DYM: variants seen among roughly 807,000 people sequenced by gnomAD.
The protein encoded by DYM is dymeclin, also known as dyggve-Melchior-Clausen syndrome protein.
Under a neutral mutation model 93.1 loss-of-function variants are expected in DYM, and 78 were observed. That is an observed-to-expected ratio of 0.84 (90% CI 0.70 to 1.01). The LOEUF is 1.01. Among genes scored for constraint, DYM ranks in the 50% least tolerant of loss-of-function variants. The pLI is 0.00. For missense variants in DYM, 789 were observed against 845.0 expected (o/e 0.93, Z 0.82); for synonymous variants, 321 against 319.7 (o/e 1.00, Z -0.04).
At chr18:49,220,872 A>T (rs925085881) in intron 13 of DYM, among the ~76,000 whole-genome samples, 5 of 152,332 alleles carry the variant, frequency 3.3e-5, no homozygotes, top group Non-Finnish European at 5.9e-5. Context: ...AAAACACCAA[A>T]AGCAATGGCA....
chr18:49,453,580 G>T (rs1175145217), intron 1 of DYM, among the ~76,000 whole-genome samples: 1 of 152,178 alleles, frequency 6.6e-6, no homozygotes, highest in East Asian at 1.9e-4. Context: ...AACACTCACC[G>T]TGAGGGTCCG....
At chr18:49,399,020 T>A (rs752379799) in intron 2 of DYM, among the ~76,000 whole-genome samples, 2 of 152,252 alleles carry the variant, frequency 1.3e-5, no homozygotes, top group Non-Finnish European at 2.9e-5. Context: ...TATACACATA[T>A]GGCTGTAATC....
chr18:49,176,062 T>C (rs972590409), intron 14 of DYM, among the ~76,000 whole-genome samples: 1 of 152,120 alleles, frequency 6.6e-6, no homozygotes, highest in African/African-American at 2.4e-5. Flanking sequence ...TCATACAACA[T>C]GGCAAAGTAT....
chr18:49,307,438 C>T (rs2061336887), intron 8 of DYM, among the ~76,000 whole-genome samples: 1 of 152,094 alleles, frequency 6.6e-6, no homozygotes, highest in South Asian at 2.1e-4. Context: ...AAGAATTCTA[C>T]CTGCAAATTT....
At chr18:49,407,813 AT>A (rs1382264007) in intron 2 of DYM, among the ~76,000 whole-genome samples, 2 of 152,214 alleles carry the variant, frequency 1.3e-5, no homozygotes, top group Non-Finnish European at 2.9e-5. Flanking sequence ...TCAGTTTCCT[AT>A]TTTTGATACT....
Position 49,429,934 on chromosome 18 carries a change from G to A in DYM, c.140+321C>T, listed in dbSNP as rs527609072. ...AAAAAGGCAAGGGACAGAACAGTAC[G>A]TGTAGTATGCTACCATTTGTATTTA... is the stretch of plus-strand genomic sequence containing the variant. On this transcript the variant is annotated intron_variant, in intron 2 of 17. Transcript: ENST00000675505. Among the ~76,000 whole-genome samples, 5 of 152,282 alleles carry A rather than the reference G, an allele frequency of 3.3e-5. No homozygotes were observed. The East Asian group carries it at 9.6e-4, about 29-fold the overall frequency.
chr18:49,046,703 C>A (rs1317323212), intron 17 of DYM, among the ~76,000 whole-genome samples: 1 of 152,130 alleles, frequency 6.6e-6, no homozygotes, highest in African/African-American at 2.4e-5. Context: ...AGTTAAAGAC[C>A]AGCCTGAGCA....
chr18:49,210,985 A>G (rs1044813376), intron 13 of DYM, among the ~76,000 whole-genome samples: 4 of 152,208 alleles, frequency 2.6e-5, no homozygotes, highest in African/African-American at 9.6e-5. Flanking sequence ...GGTATTAGGA[A>G]TATGTTCCTG....
chr18:49,054,741 C>T (rs1220660900), intron 17 of DYM, among the ~76,000 whole-genome samples: 2 of 152,066 alleles, frequency 1.3e-5, no homozygotes, highest in Non-Finnish European at 2.9e-5. Context: ...AAGTTACCAC[C>T]CAAGAGGGGC....
chr18:49,196,715 G>A (rs1266655825), intron 14 of DYM, among the ~76,000 whole-genome samples: 1 of 152,162 alleles, frequency 6.6e-6, no homozygotes, highest in Non-Finnish European at 1.5e-5. Context: ...AAGCACAATT[G>A]ATATGGCTAG....
At chr18:49,068,980 T>G (rs916655675) in intron 17 of DYM, among the ~76,000 whole-genome samples, 2 of 152,186 alleles carry the variant, frequency 1.3e-5, no homozygotes, top group African/African-American at 4.8e-5. Context: ...TTGCTTATTG[T>G]GAGAATAGAA....
chr18:49,441,426 G>A (rs554446103), intron 1 of DYM, among the ~76,000 whole-genome samples: 8 of 132,008 alleles, frequency 6.1e-5, no homozygotes, highest in African/African-American at 2.3e-4. Flanking sequence ...AGACTTTAAG[G>A]AGAAAGCTGA....
At chr18:49,136,049 T>G (rs1426100761) in intron 15 of DYM, among the ~76,000 whole-genome samples, 1 of 152,226 alleles carries the variant, frequency 6.6e-6, no homozygotes, top group African/African-American at 2.4e-5. Flanking sequence ...TCAACAGCAG[T>G]GAAGCTAACT....
At chr18:49,320,717 C>A (rs1183358515) in intron 8 of DYM, among the ~76,000 whole-genome samples, 1 of 152,146 alleles carries the variant, frequency 6.6e-6, no homozygotes, top group Non-Finnish European at 1.5e-5. Flanking sequence ...AGGTGATCCG[C>A]CTGCCTGGGC....
At chr18:49,202,968 C>T (rs1288353720) in intron 14 of DYM, among the ~76,000 whole-genome samples, 1 of 116,524 alleles carries the variant, frequency 8.6e-6, no homozygotes, top group African/African-American at 3.2e-5. Flanking sequence ...GTCAGCCCCC[C>T]CGCCCGGCCA....
At chr18:49,367,308 C>A (rs2066613233) in intron 5 of DYM, among the ~76,000 whole-genome samples, 1 of 152,198 alleles carries the variant, frequency 6.6e-6, no homozygotes, top group African/African-American at 2.4e-5. Flanking sequence ...ACTCTAAAGC[C>A]CCACTGCTCT....
intron 1 of DYM, among the ~76,000 whole-genome samples, chr18:49,433,581 A>C (rs2080531074): frequency 6.6e-6 from 1 of 152,182 alleles, no homozygotes; most frequent in Admixed American, 6.5e-5. Flanking sequence ...TTTATTAGTT[A>C]TAAATAAGGA....
chr18:49,070,119 A>G (rs968859933), intron 17 of DYM, among the ~76,000 whole-genome samples: 9 of 152,228 alleles, frequency 5.9e-5, no homozygotes, highest in African/African-American at 2.2e-4. Context: ...TGATTAATAA[A>G]GTACAAGACA....
At chr18:49,080,322 G>A (rs2077775834) in intron 17 of DYM, among the ~76,000 whole-genome samples, 1 of 137,030 alleles carries the variant, frequency 7.3e-6, no homozygotes, top group Non-Finnish European at 1.6e-5. Context: ...CGGGGTGGCT[G>A]GCCGGGCGGG....
Sources: gnomAD v4.1 joint callset for allele counts (sites outside exome capture counted in the v4.1 genomes callset) on GRCh38, gnomAD v4.1.1 for gene constraint, MANE v1.5 for transcripts, NCBI Gene and HGNC (gene_info 2026-07-23, HGNC 2026-07-21) for gene names.